The following CDH4 variants were observed in gnomAD, a reference collection of about 807,000 sequenced individuals.
The protein encoded by CDH4 is cadherin-4.
CDH4 carries 33 observed loss-of-function variants against 86.0 expected under a neutral mutation model. The ratio of observed to expected loss-of-function variants is 0.38; its 90% confidence interval spans 0.29 to 0.51. The LOEUF (loss-of-function observed/expected upper bound fraction) is 0.51, where lower values mean the gene tolerates loss of function less well. Ranked by LOEUF, CDH4 falls within the 20% of genes least tolerant of loss-of-function variation. The pLI, the probability that CDH4 is intolerant of heterozygous loss-of-function variation, is 0.86. For missense variants in CDH4, 1,114 were observed against 1,307.4 expected, an observed-to-expected ratio of 0.85 and a Z score of 2.28; for synonymous variants, 555 against 549.4, an observed-to-expected ratio of 1.01 and a Z score of -0.14.
At chr20:61,534,442 T>A (rs2085978818) in intron 2 of CDH4, among the ~76,000 whole-genome samples, 1 of 152,106 alleles carries the variant, frequency 6.6e-6, no homozygotes, top group Non-Finnish European at 1.5e-5. Flanking sequence ...TTTAATACAC[T>A]TTTTTAAAGG....
At position 61,623,101 on chromosome 20, in the gene CDH4, C is replaced by T. The variant is rs776514147; in HGVS notation, c.170-120462C>T. Among the ~76,000 whole-genome samples, 9 of 152,168 alleles carry T rather than the reference C, an allele frequency of 5.9e-5. No individual in the cohort carries two copies. The highest frequency in any genetic ancestry group is 2.1e-4 in the South Asian group (1 of 4,832). On this transcript the variant is annotated intron_variant, in intron 2 of 15. Transcript: ENST00000614565. This position sits in a 1 kb window ranked among gnomAD's most constrained non-coding sequence, Gnocchi z 4.4. ...CTTCATTTAAAATAATGACATAAGA[C>T]GTGTGGGTTGGAGATGGATGCAGAG...
chr20:61,659,816 C>T (rs930334802), intron 2 of CDH4, among the ~76,000 whole-genome samples: 3 of 152,186 alleles, frequency 2.0e-5, no homozygotes, highest in Non-Finnish European at 4.4e-5. Flanking sequence ...CTGCTTGCAG[C>T]GAAGGCCTGG....
chr20:61,772,948 C>T, intron 3 of CDH4, 55 bp from the exon 4 acceptor site: 1 of 1,512,364 alleles, frequency 6.6e-7, no homozygotes, highest in Non-Finnish European at 9.0e-7. Flanking sequence ...CCATTTTCCT[C>T]TGTGCAAAAC....
At position 61,773,114 on chromosome 20, in the gene CDH4, G is replaced by A; in HGVS notation, c.508G>A (p.Asp170Asn). Residue 170 changes from aspartate to asparagine, a missense_variant, in exon 4 of 16, where the codon GAC (aspartate) becomes AAC (asparagine). By Grantham distance (23) the Asp-to-Asn change is conservative. Transcript: ENST00000614565. The part of the protein sequence containing the change: ...NANGLRRRKR[D>N]WVIPPINVPE... Reference sequence around the variant, plus strand: ...CAACGGGCTGAGGCGGCGCAAACGGGACTGGGTCATCCCGCCCATCAACGT... The same window carrying A: ...CAACGGGCTGAGGCGGCGCAAACGGAACTGGGTCATCCCGCCCATCAACGT... 6.2e-7 allele frequency: 1 copy of A among 1,611,174 alleles called. No individual in the cohort carries two copies. The highest frequency in any genetic ancestry group is 8.5e-7 in the Non-Finnish European group (1 of 1,179,032).
intron 2 of CDH4, among the ~76,000 whole-genome samples, chr20:61,609,677 CT>C: frequency 6.6e-6 from 1 of 152,198 alleles, no homozygotes; most frequent in Non-Finnish European, 1.5e-5. Flanking sequence ...GGTGGCCACG[CT>C]TGGTCACCTC....
At chr20:61,792,676 G>T (rs1979266814) in intron 4 of CDH4, among the ~76,000 whole-genome samples, 1 of 151,992 alleles carries the variant, frequency 6.6e-6, no homozygotes, top group Non-Finnish European at 1.5e-5. Context: ...TTGAGATGGG[G>T]TCTTGCTCTG....
intron 2 of CDH4, among the ~76,000 whole-genome samples, chr20:61,621,696 T>C (rs959929617): frequency 2.0e-5 from 3 of 152,230 alleles, no homozygotes; most frequent in Non-Finnish European, 2.9e-5. Flanking sequence ...CAAGGCTAGT[T>C]TATAGTTCAA....
intron 2 of CDH4, among the ~76,000 whole-genome samples, chr20:61,585,665 T>C (rs1346250817): frequency 2.0e-5 from 3 of 149,232 alleles, no homozygotes; most frequent in African/African-American, 7.4e-5. Flanking sequence ...GTGATGGTGA[T>C]TGTGATGGTG....
chr20:61,287,628 G>A (rs998414657), intron 2 of CDH4, among the ~76,000 whole-genome samples: 2 of 152,158 alleles, frequency 1.3e-5, no homozygotes, highest in African/African-American at 4.8e-5. Context: ...TTGGTGGACC[G>A]TCACGGGCAT....
At chr20:61,916,210 G>A (rs1053501858) in intron 9 of CDH4, among the ~76,000 whole-genome samples, 2 of 151,918 alleles carry the variant, frequency 1.3e-5, no homozygotes, top group African/African-American at 4.8e-5. Context: ...GGAGTGGCGG[G>A]TGGTGTGGGA....
chr20:61,644,944 CG>C (rs2087046929), intron 2 of CDH4, among the ~76,000 whole-genome samples: 1 of 152,174 alleles, frequency 6.6e-6, no homozygotes, highest in Admixed American at 6.5e-5. Flanking sequence ...CCCCGTCAGC[CG>C]ACTCCAGACC....
chr20:61,858,762 G>A lies in CDH4; in HGVS notation c.877+5864G>A, dbSNP rs537864754. On this transcript the variant is annotated intron_variant, in intron 6 of 15. Transcript: ENST00000614565. ...TCCATAGCTCGTTCCTTTCTGTGGC[G>A]TAGAATTCCGTGGCCTGGGTGTACC... 1.4e-4 allele frequency among the ~76,000 whole-genome samples: 22 copies of A among 152,266 alleles called. No individual in the cohort carries two copies. In the South Asian group the frequency reaches 3.5e-3, roughly 24 times the overall value.
intron 2 of CDH4, among the ~76,000 whole-genome samples, chr20:61,589,331 C>T (rs2086500812): frequency 6.6e-6 from 1 of 152,170 alleles, no homozygotes; most frequent in Admixed American, 6.5e-5. Flanking sequence ...TCAACTTAGA[C>T]TTAAGACAGA....
intron 3 of CDH4, among the ~76,000 whole-genome samples, chr20:61,748,354 A>G (rs111305360): frequency 0.053 from 8,005 of 152,230 alleles, 302 homozygotes; most frequent in South Asian, 0.12. Flanking sequence ...GCTGGTCTGG[A>G]TCTCTTAATC....
chr20:61,442,463 A>G (rs1240187608), intron 2 of CDH4, among the ~76,000 whole-genome samples: 2 of 152,224 alleles, frequency 1.3e-5, no homozygotes, highest in East Asian at 3.8e-4. Context: ...GATCGTGAGA[A>G]CTCCAGTAAA....
Position 61,327,319 on chromosome 20 carries a change from C to T in CDH4, c.169+72382C>T, listed in dbSNP as rs946946778. 1.1e-4 allele frequency among the ~76,000 whole-genome samples: 17 copies of T among 152,062 alleles called. 1 individual carries two copies. Among genetic ancestry groups the T allele is most frequent in the Admixed American group, 7.9e-4 (12 of 15,264 alleles). ...TTTTTAAATATATTTGACAATTTTC[C>T]TTGATAAATAAAGAGCTCTTTGAAA... On this transcript the variant is annotated intron_variant, in intron 2 of 15. Coordinates refer to ENST00000614565, the MANE Select transcript of CDH4 (RefSeq NM_001794.5).
chr20:61,753,858 T>G (rs1002159858), intron 3 of CDH4, among the ~76,000 whole-genome samples: 2 of 152,130 alleles, frequency 1.3e-5, no homozygotes, highest in Non-Finnish European at 2.9e-5. Flanking sequence ...TGGGCTGAAC[T>G]ATGTCCCCTA....
In CDH4 at chr20:61,465,993, C is replaced by T. The variant is rs117408705; in HGVS notation, c.169+211056C>T. Among the ~76,000 whole-genome samples, 622 of 152,086 alleles carry T rather than the reference C, an allele frequency of 4.1e-3. 3 individuals carry two copies. Among genetic ancestry groups the T allele is most frequent in the Middle Eastern group, 0.017 (5 of 294 alleles). ...AAGAAACCATCTTGTTTAGAATGGCCAGGCAATGAGATTAAATTTCCTCTT... is the reference window on the plus strand; with the variant it reads ...AAGAAACCATCTTGTTTAGAATGGCTAGGCAATGAGATTAAATTTCCTCTT... On this transcript the variant is annotated intron_variant, in intron 2 of 15. Transcript: ENST00000614565.
At chr20:61,265,357 C>G (rs150485599) in intron 2 of CDH4, among the ~76,000 whole-genome samples, 2,276 of 152,184 alleles carry the variant, frequency 0.015, 79 homozygotes, top group East Asian at 0.14. Flanking sequence ...CTCAGTGGCT[C>G]CTTCATTCAA....
Sources: gnomAD v4.1 joint callset for allele counts (sites outside exome capture counted in the v4.1 genomes callset) on GRCh38, gnomAD v4.1.1 for gene constraint, Gnocchi (gnomAD v3.1) non-coding constraint, MANE v1.5 for transcripts, NCBI Gene and HGNC (gene_info 2026-07-23, HGNC 2026-07-21) for gene names.